ST6GALNAC3: variants seen among roughly 807,000 people sequenced by gnomAD.
ST6GALNAC3 encodes alpha-N-acetylgalactosaminide alpha-2,6-sialyltransferase 3.
A neutral mutation model predicts 32.7 loss-of-function variants in ST6GALNAC3; 25 were observed. The observed-to-expected ratio is 0.76, with a 90% CI of 0.56 to 1.07. The LOEUF (loss-of-function observed/expected upper bound fraction) is 1.07. Among genes scored for constraint, ST6GALNAC3 ranks in the 50% least tolerant of loss-of-function variants. The pLI is 0.00. For missense variants in ST6GALNAC3, 355 were observed against 382.4 expected (o/e 0.93, Z 0.60); for synonymous variants, 129 against 133.1 (o/e 0.97, Z 0.21).
chr1:76,424,224 T>C (rs1470295042), intron 3 of ST6GALNAC3, among the ~76,000 whole-genome samples: 2 of 151,994 alleles, frequency 1.3e-5, no homozygotes, highest in Non-Finnish European at 2.9e-5. Context: ...CTTTATCTTC[T>C]CTTTATCTTT....
chr1:76,333,307 CAGTATA>C (rs1647236231), intron 2 of ST6GALNAC3, among the ~76,000 whole-genome samples: 1 of 151,988 alleles, frequency 6.6e-6, no homozygotes, highest in Non-Finnish European at 1.5e-5. Flanking sequence ...GATTTAAGCT[CAGTATA>C]AGTAATAACT....
chr1:76,165,396 T>C (rs1013099472), intron 1 of ST6GALNAC3, among the ~76,000 whole-genome samples: 3 of 152,062 alleles, frequency 2.0e-5, no homozygotes, highest in East Asian at 3.8e-4. Context: ...ATATGTACCA[T>C]GTTTTCTTTA....
intron 3 of ST6GALNAC3, among the ~76,000 whole-genome samples, chr1:76,483,426 G>A (rs1262443596): frequency 6.6e-6 from 1 of 152,180 alleles, no homozygotes; most frequent in African/African-American, 2.4e-5. Flanking sequence ...TCTAACTGGT[G>A]TGAGATGGTA....
intron 3 of ST6GALNAC3, among the ~76,000 whole-genome samples, chr1:76,474,977 CTCAGCTTTTTAAA>C (rs1340254857): frequency 6.6e-6 from 1 of 152,148 alleles, no homozygotes; most frequent in Non-Finnish European, 1.5e-5. Flanking sequence ...AAACCCTAAC[CTCAGCTTTTTAAA>C]TCACAATGGA....
At chr1:76,457,268 G>A (rs1347533746) in intron 3 of ST6GALNAC3, among the ~76,000 whole-genome samples, 1 of 151,984 alleles carries the variant, frequency 6.6e-6, no homozygotes, top group Admixed American at 6.6e-5. Flanking sequence ...CGTGAAAATG[G>A]CCATACTGCC....
chr1:76,365,384 A>G (rs1027228552), intron 2 of ST6GALNAC3, among the ~76,000 whole-genome samples: 4 of 152,210 alleles, frequency 2.6e-5, no homozygotes, highest in African/African-American at 7.2e-5. Flanking sequence ...AGTGTTCACT[A>G]TTTGAGTGAT....
At chr1:76,504,234 T>C (rs1661341569) in intron 3 of ST6GALNAC3, among the ~76,000 whole-genome samples, 1 of 152,174 alleles carries the variant, frequency 6.6e-6, no homozygotes. Flanking sequence ...CATAAAGCAG[T>C]GTAACTCCCA....
rs149104674 is a variant in ST6GALNAC3, at chr1:76,177,626, G to A, written c.18+102742G>A. Among the ~76,000 whole-genome samples the A allele has an allele frequency of 2.0e-3, 306 of 152,196 alleles. 3 individuals carry two copies. Among genetic ancestry groups the A allele is most frequent in the Non-Finnish European group, 1.4e-3 (93 of 68,014 alleles). ...ATTGTGCTTTGTGTTCTTAAGACTCGGTGAATGTTTCTGAAGGTCAGCTAG... is the reference window on the plus strand; with the variant it reads ...ATTGTGCTTTGTGTTCTTAAGACTCAGTGAATGTTTCTGAAGGTCAGCTAG... On this transcript the variant is annotated intron_variant, in intron 1 of 4. Coordinates refer to ENST00000328299, the MANE Select transcript of ST6GALNAC3 (RefSeq NM_152996.4).
At chr1:76,569,323 T>C (rs905436416) in intron 3 of ST6GALNAC3, among the ~76,000 whole-genome samples, 1 of 149,522 alleles carries the variant, frequency 6.7e-6, no homozygotes, top group African/African-American at 2.5e-5. Context: ...CAGTCTGAAA[T>C]GGATTTCAGC....
chr1:76,338,037 G>C (rs1386836473), intron 2 of ST6GALNAC3, among the ~76,000 whole-genome samples: 1 of 152,162 alleles, frequency 6.6e-6, no homozygotes, highest in Non-Finnish European at 1.5e-5. Flanking sequence ...CTTTTAGTTA[G>C]AAAGCCAACA....
rs145610622 is a variant in ST6GALNAC3, at chr1:76,131,783, C to A, written c.18+56899C>A. Among the ~76,000 whole-genome samples the A allele has an allele frequency of 1.1e-3, 164 of 152,138 alleles. 2 individuals are homozygous for A. In the East Asian group the frequency reaches 0.016, roughly 15 times the overall value. On this transcript the variant is annotated intron_variant, in intron 1 of 4. Transcript: ENST00000328299. ...TTTCCACAATGGATAGGGGCTTGGG[C>A]AATTCTGGAAGGAGGAAGAGGAGGA... is the stretch of plus-strand genomic sequence containing the variant.
intron 1 of ST6GALNAC3, among the ~76,000 whole-genome samples, chr1:76,211,321 C>T (rs576055614): frequency 2.3e-4 from 35 of 152,246 alleles, no homozygotes; most frequent in African/African-American, 8.4e-4. Context: ...AATAGGAATA[C>T]TTTTACACTG....
intron 1 of ST6GALNAC3, among the ~76,000 whole-genome samples, chr1:76,219,897 C>G (rs1398823151): frequency 1.3e-5 from 2 of 152,206 alleles, no homozygotes; most frequent in East Asian, 3.9e-4. Context: ...CTGGATCTTG[C>G]TCTGGTTTCC....
chr1:76,351,896 C>T (rs1649004009), intron 2 of ST6GALNAC3, among the ~76,000 whole-genome samples: 1 of 152,128 alleles, frequency 6.6e-6, no homozygotes, highest in South Asian at 2.1e-4. Flanking sequence ...GATATTGTCT[C>T]ATCCCCTGGG....
chr1:76,408,253 C>T (rs1053481580), intron 2 of ST6GALNAC3, among the ~76,000 whole-genome samples: 1 of 152,036 alleles, frequency 6.6e-6, no homozygotes, highest in Non-Finnish European at 1.5e-5. Context: ...CATGTTCATC[C>T]ATGTCTCCTG....
intron 1 of ST6GALNAC3, among the ~76,000 whole-genome samples, chr1:76,125,644 C>T (rs1247646126): frequency 5.3e-5 from 8 of 152,220 alleles, no homozygotes; most frequent in Non-Finnish European, 1.0e-4. Flanking sequence ...GAAGCAGTCT[C>T]TCTGTACAAG....
chr1:76,577,495 A>AT (rs1037843571), intron 3 of ST6GALNAC3, among the ~76,000 whole-genome samples: 20 of 152,026 alleles, frequency 1.3e-4, no homozygotes, highest in African/African-American at 4.8e-4. Context: ...TTTATAAATC[A>AT]TGTCATAAAA....
At chr1:76,435,281 A>G (rs1209135130) in intron 3 of ST6GALNAC3, among the ~76,000 whole-genome samples, 1 of 152,202 alleles carries the variant, frequency 6.6e-6, no homozygotes, top group East Asian at 1.9e-4. Flanking sequence ...TTGAGAATAC[A>G]TATAAAGTTA....
At chr1:76,510,266 A>G (rs1461495016) in intron 3 of ST6GALNAC3, among the ~76,000 whole-genome samples, 2 of 152,202 alleles carry the variant, frequency 1.3e-5, no homozygotes, top group African/African-American at 4.8e-5. Flanking sequence ...GGTCTTCACC[A>G]TTTGGAGGCA....
Sources: gnomAD v4.1 joint callset for allele counts (sites outside exome capture counted in the v4.1 genomes callset) on GRCh38, gnomAD v4.1.1 for gene constraint, MANE v1.5 for transcripts, NCBI Gene and HGNC (gene_info 2026-07-23, HGNC 2026-07-21) for gene names.